The following SYT14 variants were observed in gnomAD, a reference collection of about 807,000 sequenced individuals.
SYT14 encodes synaptotagmin-14.
A neutral mutation model predicts 74.2 loss-of-function variants in SYT14; 32 were observed. The observed-to-expected ratio is 0.43, with a 90% CI of 0.33 to 0.58. The LOEUF (loss-of-function observed/expected upper bound fraction) is 0.58, where lower values mean the gene tolerates loss of function less well. Among genes scored for constraint, SYT14 ranks in the 20% least tolerant of loss-of-function variants. The pLI is 0.05. For missense variants in SYT14, 791 were observed against 981.8 expected (o/e 0.81, Z 2.60); for synonymous variants, 298 against 337.7 (o/e 0.88, Z 1.29).
intron 2 of SYT14, among the ~76,000 whole-genome samples, chr1:209,987,520 A>G (rs1007976463): frequency 6.6e-6 from 1 of 152,212 alleles, no homozygotes. Flanking sequence ...AGATCTTGTG[A>G]GTACTCACTA....
chr1:209,962,235 C>T (rs1261969283), intron 2 of SYT14, among the ~76,000 whole-genome samples: 5 of 151,530 alleles, frequency 3.3e-5, no homozygotes, highest in Non-Finnish European at 5.9e-5. Flanking sequence ...ATGCCATTTT[C>T]GTTTTTTCTG....
At chr1:210,063,868 AT>A (rs1384296164) in intron 5 of SYT14, among the ~76,000 whole-genome samples, 2 of 151,468 alleles carry the variant, frequency 1.3e-5, no homozygotes, top group African/African-American at 4.8e-5. Flanking sequence ...TCTAATCTTA[AT>A]TTTTTTTAGT....
intron 2 of SYT14, among the ~76,000 whole-genome samples, chr1:210,012,189 C>G (rs756895685): frequency 1.3e-5 from 2 of 152,202 alleles, no homozygotes; most frequent in East Asian, 3.8e-4. Context: ...GAGTCCATAA[C>G]TTCCAGAAAA....
At chr1:210,020,882 T>C (rs2080287229) in intron 4 of SYT14, among the ~76,000 whole-genome samples, 157 bp from the exon 4 acceptor site, 1 of 152,166 alleles carries the variant, frequency 6.6e-6, no homozygotes, top group Non-Finnish European at 1.5e-5. Flanking sequence ...TATATATGTG[T>C]GCATATATGT....
At chr1:210,000,760 C>A (rs2079885073) in intron 2 of SYT14, among the ~76,000 whole-genome samples, 2 of 151,662 alleles carry the variant, frequency 1.3e-5, no homozygotes, top group Non-Finnish European at 1.5e-5. Context: ...ATTAGAGGCG[C>A]CTGCCACCGC....
intron 2 of SYT14, among the ~76,000 whole-genome samples, chr1:209,956,916 T>G (rs1310496074): frequency 6.6e-6 from 1 of 152,118 alleles, no homozygotes. Context: ...TGTGATTGTC[T>G]TTTTTGTCTC....
intron 5 of SYT14, among the ~76,000 whole-genome samples, chr1:210,026,432 T>C (rs1279666372): frequency 6.6e-6 from 1 of 152,138 alleles, no homozygotes; most frequent in African/African-American, 2.4e-5. Context: ...CTAGAATGTC[T>C]TTTGTTATTG....
intron 2 of SYT14, among the ~76,000 whole-genome samples, chr1:209,986,410 C>G (rs2079570596): frequency 6.6e-6 from 1 of 151,952 alleles, no homozygotes. Context: ...TCGAGACCAT[C>G]CTGGCTAACA....
exon 10 of SYT14, chr1:210,161,379 T>C (rs1387813487): frequency 1.3e-5 from 6 of 462,554 alleles, no homozygotes; most frequent in Non-Finnish European, 2.5e-5. Context: ...TTATAAGTGA[T>C]TTTAAAAACC....
At chr1:209,978,907 G>A (rs2079424074) in intron 2 of SYT14, among the ~76,000 whole-genome samples, 1 of 152,206 alleles carries the variant, frequency 6.6e-6, no homozygotes, top group African/African-American at 2.4e-5. Context: ...GGCAGTGGCG[G>A]GCGCCCCTCC....
At chr1:210,148,453 G>A (rs1005065133) in intron 7 of SYT14, among the ~76,000 whole-genome samples, 2 of 150,994 alleles carry the variant, frequency 1.3e-5, no homozygotes, top group African/African-American at 4.9e-5. Flanking sequence ...AGCTTGCGGT[G>A]AGCCGAGATC....
At position 210,019,561 on chromosome 1, in the gene SYT14, A is replaced by G. The variant is rs528663855; in HGVS notation, c.1097-1478A>G. On this transcript the variant is annotated intron_variant, in intron 4 of 9. Coordinates refer to ENST00000637265, the Ensembl canonical transcript of SYT14. ...CTACATATTGGGCAAGCACTGCCACAATATATGACATTGGTGATGGCGTTA... is the reference window on the plus strand; with the variant it reads ...CTACATATTGGGCAAGCACTGCCACGATATATGACATTGGTGATGGCGTTA... Among the ~76,000 whole-genome samples the G allele has an allele frequency of 2.6e-5, 4 of 152,328 alleles. No homozygotes were observed. The East Asian group carries it at 5.8e-4, about 22-fold the overall frequency.
At chr1:210,038,842 A>G (rs2080725747) in intron 5 of SYT14, among the ~76,000 whole-genome samples, 1 of 152,086 alleles carries the variant, frequency 6.6e-6, no homozygotes, top group African/African-American at 2.4e-5. Context: ...TCCCAACACT[A>G]GGATTTTTTC....
chr1:210,058,976 C>T lies in SYT14; in HGVS notation c.1313-35346C>T, dbSNP rs181226972. 3.3e-5 allele frequency among the ~76,000 whole-genome samples: 5 copies of T among 152,166 alleles called. No individual in the cohort carries two copies. The East Asian group carries it at 5.8e-4, about 18-fold the overall frequency. ...AAAGCAAATACATATATAGTGCTTG[C>T]GATGTAACAGGCACTGTTTTAAGCC... On this transcript the variant is annotated intron_variant, in intron 5 of 9. Transcript: ENST00000637265.
chr1:210,028,004 T>G (rs2102981008), intron 5 of SYT14, among the ~76,000 whole-genome samples: 1 of 152,266 alleles, frequency 6.6e-6, no homozygotes, highest in South Asian at 2.1e-4. Context: ...CTATTCCATC[T>G]CTAGGATTTT....
chr1:210,161,813 C>T (rs186302188), exon 10 of SYT14: 26 of 453,756 alleles, frequency 5.7e-5, no homozygotes, highest in Middle Eastern at 6.9e-4. Context: ...CTGTTGAAAG[C>T]ACTTCCTGTA....
At chr1:210,037,435 C>A (rs990235679) in intron 5 of SYT14, among the ~76,000 whole-genome samples, 1 of 151,104 alleles carries the variant, frequency 6.6e-6, no homozygotes, top group Non-Finnish European at 1.5e-5. Flanking sequence ...TAGTTCTGCT[C>A]TGATCTTTGT....
At chr1:209,946,612 A>G (rs1336717709) in intron 1 of SYT14, among the ~76,000 whole-genome samples, 1 of 152,244 alleles carries the variant, frequency 6.6e-6, no homozygotes, top group African/African-American at 2.4e-5. Flanking sequence ...TTAGTTCATA[A>G]GGTTTAGAAA....
chr1:210,167,017 T>C (rs980486032), exon 10 of SYT14: 8 of 152,234 alleles, frequency 5.3e-5, no homozygotes, highest in African/African-American at 1.9e-4. Flanking sequence ...TGTTTCTTGG[T>C]ATAATAAATA....
Sources: gnomAD v4.1 joint callset for allele counts (sites outside exome capture counted in the v4.1 genomes callset) on GRCh38, gnomAD v4.1.1 for gene constraint, MANE v1.5 for transcripts, NCBI Gene and HGNC (gene_info 2026-07-23, HGNC 2026-07-21) for gene names.